ADGRL3: variants seen among roughly 807,000 people sequenced by gnomAD.
ADGRL3 encodes the protein adhesion G protein-coupled receptor L3.
Under a neutral mutation model 153.5 loss-of-function variants are expected in ADGRL3, and 62 were observed. That is an observed-to-expected ratio of 0.40 (90% CI 0.33 to 0.50). The LOEUF (loss-of-function observed/expected upper bound fraction) is 0.50. Among genes scored for constraint, ADGRL3 ranks in the 20% least tolerant of loss-of-function variants. The pLI is 0.47. For synonymous variants in ADGRL3, 710 were observed against 672.5 expected, an observed-to-expected ratio of 1.06 and a Z score of -0.86; for missense variants, 1,641 against 1,859.4, an observed-to-expected ratio of 0.88 and a Z score of 2.16.
At chr4:61,990,426 T>G (rs901111154) in intron 19 of ADGRL3, among the ~76,000 whole-genome samples, 1 of 151,400 alleles carries the variant, frequency 6.6e-6, no homozygotes, top group Non-Finnish European at 1.5e-5. Context: ...AAATGGGGAG[T>G]GACTTTTGGT....
At chr4:61,480,969 A>G (rs1490650431) in intron 2 of ADGRL3, among the ~76,000 whole-genome samples, 2 of 152,130 alleles carry the variant, frequency 1.3e-5, no homozygotes, top group Non-Finnish European at 2.9e-5. Context: ...TCTAAAAGAC[A>G]TTGATATTTG....
intron 3 of ADGRL3, among the ~76,000 whole-genome samples, chr4:61,507,980 A>G (rs994909175): frequency 2.6e-5 from 4 of 152,126 alleles, no homozygotes; most frequent in Non-Finnish European, 5.9e-5. Flanking sequence ...TTATATTCTA[A>G]AGGTTTTTTG....
At chr4:61,793,540 G>A (rs2097370363) in intron 8 of ADGRL3, among the ~76,000 whole-genome samples, 1 of 152,158 alleles carries the variant, frequency 6.6e-6, no homozygotes, top group African/African-American at 2.4e-5. Context: ...CCCACAGCAT[G>A]TGGGAATTGT....
intron 1 of ADGRL3, among the ~76,000 whole-genome samples, chr4:61,229,679 A>G (rs1315774273): frequency 6.6e-6 from 1 of 152,122 alleles, no homozygotes. Flanking sequence ...GCAATTTGGG[A>G]AGCCACCAAA....
At chr4:61,393,577 A>G (rs910069359) in intron 2 of ADGRL3, among the ~76,000 whole-genome samples, 1 of 152,066 alleles carries the variant, frequency 6.6e-6, no homozygotes, top group Non-Finnish European at 1.5e-5. Flanking sequence ...TTACTTAATT[A>G]TGAAACACAG....
chr4:61,867,515 CATATATATATATATAT>C, intron 9 of ADGRL3, among the ~76,000 whole-genome samples: 1 of 81,140 alleles, frequency 1.2e-5, no homozygotes. Flanking sequence ...AATATATATG[CATATATATATATATAT>C]ATATATATAA....
intron 25 of ADGRL3, among the ~76,000 whole-genome samples, chr4:62,064,423 T>G (rs1232755034): frequency 6.6e-6 from 1 of 151,552 alleles, no homozygotes. Context: ...AGTATAAAAA[T>G]GTGTTAGGAA....
At chr4:62,019,052 G>A (rs989381220) in intron 21 of ADGRL3, among the ~76,000 whole-genome samples, 1 of 152,044 alleles carries the variant, frequency 6.6e-6, no homozygotes, top group Non-Finnish European at 1.5e-5. Context: ...CATTACTTTG[G>A]ATTTGTAATC....
chr4:61,691,226 C>T (rs1323431764), intron 6 of ADGRL3, among the ~76,000 whole-genome samples: 6 of 152,116 alleles, frequency 3.9e-5, no homozygotes, highest in Admixed American at 1.3e-4. Context: ...TCTTGACACT[C>T]GCTGCTACTT....
chr4:61,344,605 A>G (rs2095864943), intron 1 of ADGRL3, among the ~76,000 whole-genome samples: 1 of 151,904 alleles, frequency 6.6e-6, no homozygotes, highest in African/African-American at 2.4e-5. Context: ...AGTTTCTTTT[A>G]CAAGTTTTAC....
rs543367635 is a variant in ADGRL3 at position 61,435,296 on chromosome 4, A to T, written c.-174+52107A>T. Among the ~76,000 whole-genome samples the T allele has an allele frequency of 2.0e-3, 307 of 152,232 alleles. 1 individual carries two copies. Among genetic ancestry groups the T allele is most frequent in the Non-Finnish European group, 3.2e-3 (217 of 67,944 alleles). ...ATTCATAAAAATTTTTTGTAATAGA[A>T]GTATGTAATTTTTCCAAAGGAGTTC... On this transcript the variant is annotated intron_variant, in intron 2 of 26. Coordinates refer to ENST00000683033, the MANE Select transcript of ADGRL3 (RefSeq NM_001387552.1).
At chr4:61,323,009 C>T (rs1213915800) in intron 1 of ADGRL3, among the ~76,000 whole-genome samples, 1 of 152,238 alleles carries the variant, frequency 6.6e-6, no homozygotes, top group African/African-American at 2.4e-5. Context: ...CAGGTGTTTC[C>T]ATAAATCCTG....
chr4:61,200,646 C>G lies in ADGRL3; in HGVS notation c.-1359C>G, dbSNP rs1268036631. Among the ~76,000 whole-genome samples the G allele has an allele frequency of 6.6e-6, 1 of 152,012 alleles. No homozygotes were observed. Among genetic ancestry groups the G allele is most frequent in the East Asian group, 1.9e-4 (1 of 5,150 alleles). ...TTCTCTTTTTGCCTTGGTCCTCTTCCTACGGGTGTGCGCGCGCGCGGGTTG... is the reference window on the plus strand; with the variant it reads ...TTCTCTTTTTGCCTTGGTCCTCTTCGTACGGGTGTGCGCGCGCGCGGGTTG... On this transcript the variant is annotated 5_prime_UTR_variant, in exon 1 of 27. Transcript: ENST00000683033.
chr4:61,270,097 A>G (rs923298002), intron 1 of ADGRL3, among the ~76,000 whole-genome samples: 1 of 151,722 alleles, frequency 6.6e-6, no homozygotes, highest in South Asian at 2.1e-4. Flanking sequence ...ATTTGTTTTC[A>G]TACCCCAATT....
chr4:61,795,466 A>T (rs1483046798), intron 8 of ADGRL3, among the ~76,000 whole-genome samples: 1 of 152,212 alleles, frequency 6.6e-6, no homozygotes, highest in East Asian at 1.9e-4. Flanking sequence ...GCAACTACTG[A>T]TTAGAATTCT....
chr4:61,227,625 T>C (rs1748583101), intron 1 of ADGRL3, among the ~76,000 whole-genome samples: 2 of 152,062 alleles, frequency 1.3e-5, no homozygotes, highest in Admixed American at 1.3e-4. Flanking sequence ...GTGTCGAATT[T>C]TATAACCATG....
At chr4:62,048,446 A>G (rs192824140) in intron 25 of ADGRL3, among the ~76,000 whole-genome samples, 66 of 152,090 alleles carry the variant, frequency 4.3e-4, no homozygotes, top group Admixed American at 8.5e-4. Context: ...TATTTTTAGT[A>G]GAGACGGGGT....
intron 9 of ADGRL3, among the ~76,000 whole-genome samples, chr4:61,882,944 G>C (rs2098517079): frequency 6.6e-6 from 1 of 151,954 alleles, no homozygotes. Flanking sequence ...GTCTCTACTA[G>C]AAACACACAC....
At chr4:61,938,763 A>C (rs545498950) in intron 15 of ADGRL3, among the ~76,000 whole-genome samples, 7 of 150,514 alleles carry the variant, frequency 4.7e-5, no homozygotes, top group Admixed American at 2.7e-4. Context: ...CTCCGCAATA[A>C]GCTAGGAAAG....
Sources: allele counts gnomAD v4.1 joint callset (sites outside exome capture counted in the v4.1 genomes callset), GRCh38; gene constraint gnomAD v4.1.1; transcripts MANE v1.5; gene names NCBI Gene and HGNC (gene_info 2026-07-23, HGNC 2026-07-21).